The following UNC13C variants were observed in gnomAD, a reference collection of about 807,000 sequenced individuals.
UNC13C encodes protein unc-13 homolog C.
UNC13C carries 174 observed loss-of-function variants against 245.4 expected under a neutral mutation model. That is an observed-to-expected ratio of 0.71 (90% CI 0.63 to 0.80). The LOEUF (loss-of-function observed/expected upper bound fraction) is 0.80, where lower values mean the gene tolerates loss of function less well. Ranked by LOEUF, UNC13C falls within the 30% of genes least tolerant of loss-of-function variation. The probability of loss-of-function intolerance (pLI) is 0.00; values close to 1 mark genes in which losing one functional copy is unlikely to be tolerated. For synonymous variants in UNC13C, 992 were observed against 895.1 expected (o/e 1.11, Z -1.93); for missense variants, 2,829 against 2,602.9 (o/e 1.09, Z -1.89).
At chr15:54,594,516 G>C (rs1195090467) in intron 30 of UNC13C, among the ~76,000 whole-genome samples, 1 of 152,064 alleles carries the variant, frequency 6.6e-6, no homozygotes, top group Non-Finnish European at 1.5e-5. Flanking sequence ...TGCTGTGGGG[G>C]ATGGGGGTGA....
At chr15:54,533,536 G>A (rs1301913554) in intron 26 of UNC13C, among the ~76,000 whole-genome samples, 2 of 152,154 alleles carry the variant, frequency 1.3e-5, no homozygotes, top group Non-Finnish European at 2.9e-5. Context: ...CTTCAATAAC[G>A]ATTTATTGAG....
At chr15:54,305,032 C>T (rs1254568981) in intron 13 of UNC13C, among the ~76,000 whole-genome samples, 1 of 151,984 alleles carries the variant, frequency 6.6e-6, no homozygotes, top group Non-Finnish European at 1.5e-5. Flanking sequence ...TAGAGGTGCA[C>T]TTCAATTCTA....
Position 54,265,476 on chromosome 15 carries a change from A to G in UNC13C, c.3798A>G (p.Val1266=), listed in dbSNP as rs117887090. 39,167 of 1,548,972 alleles carry G rather than the reference A, an allele frequency of 0.025. 647 individuals are homozygous for G. Among genetic ancestry groups the G allele is most frequent in the Non-Finnish European group, 0.027 (30,799 of 1,143,350 alleles). ...TKTIFGNLNP[V]WDEKFYFECH... is the part of the protein sequence containing the mutation. ...CCATTTTTGGAAATTTGAATCCAGT[A>G]TGGGATGAGAAGTTTTATTTGTGAG... The change falls in exon 10 of 33, where the codon GTA becomes GTG. Residue 1266 remains valine (V), a synonymous_variant. Transcript: ENST00000260323.
At chr15:54,406,840 G>A (rs986354059) in intron 18 of UNC13C, among the ~76,000 whole-genome samples, 9 of 152,118 alleles carry the variant, frequency 5.9e-5, no homozygotes, top group Non-Finnish European at 1.3e-4. Flanking sequence ...CTTAAAGGGA[G>A]GTGATACTTG....
At chr15:54,112,292 C>T (rs1900819183) in intron 2 of UNC13C, among the ~76,000 whole-genome samples, 1 of 152,102 alleles carries the variant, frequency 6.6e-6, no homozygotes, top group Non-Finnish European at 1.5e-5. Flanking sequence ...AAGAGAGTAG[C>T]TCTCTTTCCT....
At chr15:54,089,821 TG>T (rs1283447778) in intron 2 of UNC13C, among the ~76,000 whole-genome samples, 1 of 152,094 alleles carries the variant, frequency 6.6e-6, no homozygotes, top group Non-Finnish European at 1.5e-5. Flanking sequence ...ATCATAAAGG[TG>T]TTACAAGGTG....
chr15:53,872,584 C>T, the UNC13C span, among the ~76,000 whole-genome samples: 3 of 152,068 alleles, frequency 2.0e-5, no homozygotes, highest in Non-Finnish European at 2.9e-5. Context: ...TACTATGAGT[C>T]ATCAAAATTA....
At chr15:54,093,958 T>C (rs1021981360) in intron 2 of UNC13C, among the ~76,000 whole-genome samples, 1 of 148,962 alleles carries the variant, frequency 6.7e-6, no homozygotes, top group African/African-American at 2.5e-5. Context: ...GGGAGCATAA[T>C]TGACTTATAG....
intron 26 of UNC13C, among the ~76,000 whole-genome samples, chr15:54,536,001 A>G (rs1895967243): frequency 6.6e-6 from 1 of 152,118 alleles, no homozygotes; most frequent in Non-Finnish European, 1.5e-5. Flanking sequence ...AACTGAATCA[A>G]ATTGAGAGAT....
chr15:53,988,054 C>G (rs1421230504), intron 1 of UNC13C, among the ~76,000 whole-genome samples: 3 of 151,960 alleles, frequency 2.0e-5, no homozygotes, highest in Non-Finnish European at 2.9e-5. Flanking sequence ...ACTTCTCTCC[C>G]TCACCATCCA....
At chr15:54,245,840 T>G (rs62010054) in intron 7 of UNC13C, among the ~76,000 whole-genome samples, 3,975 of 152,052 alleles carry the variant, frequency 0.026, 87 homozygotes, top group East Asian at 0.071. Flanking sequence ...AAATGTGATA[T>G]TTGGGGGTAT....
At chr15:54,062,486 C>A (rs994515496) in intron 2 of UNC13C, among the ~76,000 whole-genome samples, 1 of 152,102 alleles carries the variant, frequency 6.6e-6, no homozygotes. Flanking sequence ...CTTCTTTTCA[C>A]AAAACTCAAC....
chr15:54,238,094 T>TTC (rs58024773), intron 7 of UNC13C, among the ~76,000 whole-genome samples: 3 of 149,900 alleles, frequency 2.0e-5, no homozygotes, highest in Non-Finnish European at 3.0e-5. Context: ...TTTTTTTTTT[T>TTC]GAGACAGAAT....
intron 1 of UNC13C, among the ~76,000 whole-genome samples, chr15:53,997,488 C>T (rs189508333): frequency 2.4e-4 from 36 of 152,116 alleles, no homozygotes; most frequent in South Asian, 1.7e-3. Flanking sequence ...CTTTAGTTTG[C>T]GTTAACATTC....
At chr15:54,207,756 A>C (rs2034760195) in intron 4 of UNC13C, among the ~76,000 whole-genome samples, 1 of 152,134 alleles carries the variant, frequency 6.6e-6, no homozygotes. Context: ...CATGAATATC[A>C]TTCACTACTG....
chr15:54,237,131 G>GA (rs538442482), intron 6 of UNC13C, among the ~76,000 whole-genome samples: 7 of 152,050 alleles, frequency 4.6e-5, no homozygotes, highest in Non-Finnish European at 8.8e-5. Flanking sequence ...TGAACACTTA[G>GA]AAAAAATATC....
At chr15:54,141,980 C>T (rs752331932) in intron 2 of UNC13C, among the ~76,000 whole-genome samples, 1 of 152,090 alleles carries the variant, frequency 6.6e-6, no homozygotes, top group Non-Finnish European at 1.5e-5. Flanking sequence ...TTCCATTGCT[C>T]ATTTATATAA....
chr15:54,424,332 C>A (rs539895249), intron 19 of UNC13C, among the ~76,000 whole-genome samples: 1 of 151,946 alleles, frequency 6.6e-6, no homozygotes, highest in African/African-American at 2.4e-5. Context: ...AAGGAGGTAG[C>A]AGTTGGCATG....
intron 19 of UNC13C, among the ~76,000 whole-genome samples, chr15:54,435,587 G>GT (rs1440232409): frequency 6.6e-6 from 1 of 150,554 alleles, no homozygotes; most frequent in Non-Finnish European, 1.5e-5. Flanking sequence ...GTGGGTGGGG[G>GT]TGGGGGACTA....
Sources: gnomAD v4.1 joint callset for allele counts (sites outside exome capture counted in the v4.1 genomes callset) on GRCh38, gnomAD v4.1.1 for gene constraint, MANE v1.5 for transcripts, NCBI Gene and HGNC (gene_info 2026-07-23, HGNC 2026-07-21) for gene names.